The following OPA1 variants were observed in gnomAD, a reference collection of about 807,000 sequenced individuals.
The protein encoded by OPA1 is dynamin-like GTPase OPA1, mitochondrial.
OPA1 carries 59 observed loss-of-function variants against 152.9 expected under a neutral mutation model. The ratio of observed to expected loss-of-function variants is 0.39; its 90% CI spans 0.31 to 0.48. OPA1 has a LOEUF of 0.48. Ranked by LOEUF, OPA1 falls within the 20% of genes least tolerant of loss-of-function variation. The probability of loss-of-function intolerance (pLI) is 0.96; values close to 1 mark genes in which losing one functional copy is unlikely to be tolerated. For missense variants in OPA1, 1,008 were observed against 1,216.8 expected (o/e 0.83, Z 2.55); for synonymous variants, 400 against 389.9 (o/e 1.03, Z -0.31).
rs1024947205 is a variant in OPA1 at position 193,694,610 on chromosome 3, G to A, written c.*10G>A. 12 of 152,068 alleles carry A rather than the reference G, an allele frequency of 7.9e-5. No homozygotes were observed. Among genetic ancestry groups the A allele is most frequent in the African/African-American group, 2.7e-4 (11 of 41,412 alleles). 9.4% of individuals were successfully genotyped at this position (152,068 alleles called of 1,614,324 possible). ...TAAATGGGTTTATTTTTACAGAATC[G>A]TACTCATAATCAGCTCTGCATACAT... On this transcript the variant is annotated 3_prime_UTR_variant, in exon 31 of 31. Transcript: ENST00000361510.
Position 193,648,173 on chromosome 3 carries a change from A to G in OPA1, c.1935+39A>G, listed in dbSNP as rs762414650. ...ACTCGTGTATTTTGTATATATCTTA[A>G]TTTAATGTTGTTTGCTAACTAAATT... On this transcript the variant is annotated intron_variant, in intron 20 of 30. Coordinates refer to ENST00000361510, the MANE Select transcript of OPA1 (RefSeq NM_130837.3). The G allele has an allele frequency of 1.1e-5, 16 of 1,476,032 alleles. No individual in the cohort carries two copies. In the East Asian group the frequency reaches 3.6e-4, roughly 33 times the overall value. 91.4% of individuals were successfully genotyped at this position (1,476,032 alleles called of 1,614,324 possible). A position where few individuals can be genotyped will look rare whatever the true frequency, so the allele number is the denominator to read the frequency against.
intron 11 of OPA1, among the ~76,000 whole-genome samples, chr3:193,638,734 T>G (rs1412349339): frequency 6.6e-6 from 1 of 152,224 alleles, no homozygotes; most frequent in Admixed American, 6.5e-5. Context: ...TTCCGCATTT[T>G]CTAGGATTTG....
intron 7 of OPA1, among the ~76,000 whole-genome samples, chr3:193,626,787 C>T (rs762718785): frequency 2.0e-5 from 3 of 152,222 alleles, no homozygotes; most frequent in African/African-American, 7.2e-5. Flanking sequence ...CCTTGGACCA[C>T]GGAGGGTTTG....
intron 29 of OPA1, among the ~76,000 whole-genome samples, chr3:193,682,503 C>T (rs768427032): frequency 6.6e-6 from 1 of 152,168 alleles, no homozygotes; most frequent in South Asian, 2.1e-4. Context: ...AATTTAATAG[C>T]TAGAGAGAAG....
At chr3:193,660,773 CAGTT>C (rs1715083684) in intron 25 of OPA1, among the ~76,000 whole-genome samples, 2 of 151,748 alleles carry the variant, frequency 1.3e-5, no homozygotes, top group Non-Finnish European at 2.9e-5. Context: ...AGGAAGCAGA[CAGTT>C]AGTGATTGGG....
intron 29 of OPA1, among the ~76,000 whole-genome samples, chr3:193,680,362 C>T (rs747841372): frequency 1.3e-5 from 2 of 152,148 alleles, no homozygotes; most frequent in African/African-American, 2.4e-5. Flanking sequence ...TGAGGAACAG[C>T]GTTTGTCTTT....
chr3:193,603,828 C>G (rs750188478), intron 1 of OPA1, among the ~76,000 whole-genome samples: 11 of 152,122 alleles, frequency 7.2e-5, no homozygotes, highest in Non-Finnish European at 1.3e-4. Context: ...TCAGGATTAT[C>G]CAGTGGAGTA....
chr3:193,666,512 G>A (rs554773018), intron 28 of OPA1, 123 bp downstream of exon 28: 6 of 838,740 alleles, frequency 7.2e-6, no homozygotes, highest in Non-Finnish European at 1.2e-5. Flanking sequence ...AACTGGCCAG[G>A]TGTGGTAGCT....
intron 5 of OPA1, among the ~76,000 whole-genome samples, chr3:193,618,053 A>T (rs1002701295): frequency 1.1e-4 from 16 of 152,254 alleles, no homozygotes; most frequent in African/African-American, 3.6e-4. Flanking sequence ...TATGTGTATT[A>T]TAAGATTAAA....
Position 193,643,660 on chromosome 3 carries a change from T to C in OPA1, c.1477+33T>C, listed in dbSNP as rs552844551. Reference sequence around the variant, plus strand: ...ATATCAAAAGATTTTAATGTACTGATATGTTTTCTTCTTTAGCAATCCAAG... The same window carrying C: ...ATATCAAAAGATTTTAATGTACTGACATGTTTTCTTCTTTAGCAATCCAAG... On this transcript the variant is annotated intron_variant, in intron 15 of 30. Coordinates refer to ENST00000361510, the MANE Select transcript of OPA1 (RefSeq NM_130837.3). The C allele has an allele frequency of 2.6e-6, 4 of 1,530,136 alleles. No homozygotes were observed. The African/African-American group carries it at 5.4e-5, about 21-fold the overall frequency. The allele number at this position is 1,530,136 out of a possible 1,614,324, so 94.8% of individuals were successfully genotyped here.
chr3:193,595,549 A>G (rs528757990), intron 1 of OPA1, among the ~76,000 whole-genome samples: 1 of 152,260 alleles, frequency 6.6e-6, no homozygotes, highest in Admixed American at 6.5e-5. Flanking sequence ...GTAATTGTTT[A>G]TTGCTGCTGA....
intron 29 of OPA1, among the ~76,000 whole-genome samples, chr3:193,679,438 C>T (rs947346495): frequency 6.6e-6 from 1 of 151,924 alleles, no homozygotes; most frequent in Admixed American, 6.6e-5. Flanking sequence ...TTACAGTTTA[C>T]AAAACTTCTG....
chr3:193,632,013 G>A (rs529451108), intron 8 of OPA1, among the ~76,000 whole-genome samples: 1 of 152,210 alleles, frequency 6.6e-6, no homozygotes, highest in East Asian at 1.9e-4. Flanking sequence ...CGTTCTAGTG[G>A]GCTCTCAGGA....
intron 30 of OPA1, among the ~76,000 whole-genome samples, chr3:193,693,487 A>G (rs1721945731): frequency 6.6e-6 from 1 of 152,114 alleles, no homozygotes; most frequent in African/African-American, 2.4e-5. Flanking sequence ...TAAAAATACA[A>G]AAATTGCCCA....
rs532563126 is a variant in OPA1 at position 193,670,283 on chromosome 3, A to G, written c.2983+3003A>G. Reference sequence around the variant, plus strand: ...TTTTACTACAGTTTCAGCCTGTTACAGAATATTGTATAGAGTGTTAAAATG... The same window carrying G: ...TTTTACTACAGTTTCAGCCTGTTACGGAATATTGTATAGAGTGTTAAAATG... On this transcript the variant is annotated intron_variant, in intron 29 of 30. Coordinates refer to ENST00000361510, the MANE Select transcript of OPA1 (RefSeq NM_130837.3). Among the ~76,000 whole-genome samples, 44 of 152,332 alleles carry G rather than the reference A, an allele frequency of 2.9e-4. No homozygotes were observed. The South Asian group carries it at 8.9e-3, about 31-fold the overall frequency.
At chr3:193,691,202 CAG>C (rs1458895368) in intron 29 of OPA1, among the ~76,000 whole-genome samples, 1 of 152,212 alleles carries the variant, frequency 6.6e-6, no homozygotes, top group Non-Finnish European at 1.5e-5. Flanking sequence ...ACCTGGGCGA[CAG>C]AGTAGGACCC....
Position 193,645,736 on chromosome 3 carries a change from T to C in OPA1, c.1690T>C (p.Ser564Pro), listed in dbSNP as rs1467607281. ...FAVVTGKGNS[S>P]ESIEAIREYE... The stretch of plus-strand genomic sequence containing the variant: ...CCATCATTCTTCCCCAGGGAACAGC[T>C]CTGAAAGCATTGAAGCTATAAGAGA... Residue 564 changes from serine to proline, a missense_variant, in exon 18 of 31, where the codon TCT (serine) becomes CCT (proline). Ser to Pro is a moderately conservative substitution (Grantham distance 74, BLOSUM62 -1). This residue lies in a region of OPA1 where 213 missense variants were observed against 291.4 expected (regional missense o/e 0.73). Transcript: ENST00000361510. 3.1e-6 allele frequency: 5 copies of C among 1,613,516 alleles called. No homozygotes were observed. The African/African-American group carries it at 5.3e-5, about 17-fold the overall frequency.
chr3:193,664,343 A>T (rs1044884340), intron 26 of OPA1, among the ~76,000 whole-genome samples: 4 of 151,992 alleles, frequency 2.6e-5, no homozygotes, highest in Non-Finnish European at 2.9e-5. Context: ...TCTAGTTAAC[A>T]TTATTATTGT....
chr3:193,652,150 A>G (rs1038809140), intron 21 of OPA1, among the ~76,000 whole-genome samples: 1 of 152,042 alleles, frequency 6.6e-6, no homozygotes, highest in African/African-American at 2.4e-5. Context: ...GGAGGCCCCT[A>G]TGGTCGGATC....
Sources: allele counts gnomAD v4.1 joint callset (sites outside exome capture counted in the v4.1 genomes callset), GRCh38; gene constraint gnomAD v4.1.1; regional missense constraint gnomAD v4.1.1; transcripts MANE v1.5; gene names NCBI Gene and HGNC (gene_info 2026-07-23, HGNC 2026-07-21).